ADARB2: variants seen among roughly 807,000 people sequenced by gnomAD.
ADARB2 encodes adenosine deaminase RNA specific B2 (inactive).
ADARB2 carries 25 observed loss-of-function variants against 62.2 expected under a neutral mutation model. That is an observed-to-expected ratio of 0.40 (90% confidence interval 0.29 to 0.56). ADARB2 has a LOEUF of 0.56. ADARB2 is among the 20% of genes least tolerant of loss of function. The pLI is 0.43. For missense variants in ADARB2, 1,071 were observed against 1,077.4 expected, an observed-to-expected ratio of 0.99 and a Z score of 0.08; for synonymous variants, 572 against 500.8, an observed-to-expected ratio of 1.14 and a Z score of -1.90.
intron 4 of ADARB2, among the ~76,000 whole-genome samples, chr10:1,256,349 GA>G (rs2131786600): frequency 6.6e-6 from 1 of 152,318 alleles, no homozygotes; most frequent in Non-Finnish European, 1.5e-5. Flanking sequence ...CTCCTGCCCT[GA>G]TGGGGTCTGG....
At chr10:1,580,762 C>CCTTCTGTTCCTT (rs1564337525) in intron 1 of ADARB2, among the ~76,000 whole-genome samples, 2 of 151,954 alleles carry the variant, frequency 1.3e-5, no homozygotes, top group African/African-American at 4.8e-5. Context: ...TTCTGTTCCT[C>CCTTCTGTTCCTT]CCTCCTTCCC....
chr10:1,637,799 C>G lies in ADARB2; in HGVS notation c.100+99252G>C, dbSNP rs201947978. 9.8e-5 allele frequency among the ~76,000 whole-genome samples: 15 copies of G among 152,324 alleles called. No homozygotes were observed. The East Asian group carries it at 2.5e-3, about 25-fold the overall frequency. The stretch of plus-strand genomic sequence containing the variant: ...TGTCTGCGTGGCTCCTGTTTATGAG[C>G]AAAGCAAACCTCCTACTGCTCCGGG... On this transcript the variant is annotated intron_variant, in intron 1 of 9. Coordinates refer to ENST00000381312, the MANE Select transcript of ADARB2 (RefSeq NM_018702.4).
chr10:1,305,048 A>C (rs1831612818), intron 3 of ADARB2, among the ~76,000 whole-genome samples: 1 of 102,206 alleles, frequency 9.8e-6, no homozygotes, highest in African/African-American at 2.9e-5. Flanking sequence ...AAATAACTAA[A>C]ATCAGAGCAG....
At chr10:1,451,174 A>G (rs1008937014) in intron 1 of ADARB2, among the ~76,000 whole-genome samples, 2 of 152,246 alleles carry the variant, frequency 1.3e-5, no homozygotes. Context: ...AGTTCATCAA[A>G]AAACACTTTT....
At chr10:1,481,469 A>G (rs1018143869) in intron 1 of ADARB2, among the ~76,000 whole-genome samples, 1 of 152,242 alleles carries the variant, frequency 6.6e-6, no homozygotes, top group African/African-American at 2.4e-5. Flanking sequence ...CACATTTAAA[A>G]GCTTTTATTC....
intron 1 of ADARB2, among the ~76,000 whole-genome samples, chr10:1,496,362 GCAC>G (rs776061040): frequency 1.4e-5 from 2 of 146,262 alleles, no homozygotes; most frequent in Non-Finnish European, 3.0e-5. Flanking sequence ...ATTGTCATCA[GCAC>G]CACCATCATC....
At chr10:1,620,552 G>T (rs139177413) in intron 1 of ADARB2, among the ~76,000 whole-genome samples, 98 of 152,298 alleles carry the variant, frequency 6.4e-4, no homozygotes, top group African/African-American at 2.3e-3. Context: ...GTTAAATAAA[G>T]AAAAAATACT....
At position 1,537,287 on chromosome 10, in the gene ADARB2, G is replaced by A. The variant is rs530341488; in HGVS notation, c.101-158127C>T. Among the ~76,000 whole-genome samples, 6 of 152,294 alleles carry A rather than the reference G, an allele frequency of 3.9e-5. No homozygotes were observed. In the South Asian group the frequency reaches 1.2e-3, roughly 32 times the overall value. On this transcript the variant is annotated intron_variant, in intron 1 of 9. Coordinates refer to ENST00000381312, the MANE Select transcript of ADARB2 (RefSeq NM_018702.4). ...ATGCCATCTCATGCCAGTCAGAATG[G>A]CAATGATTAAAAAGTCAAGAAACAA...
chr10:1,207,344 T>G (rs1837082241), intron 7 of ADARB2, among the ~76,000 whole-genome samples: 1 of 152,184 alleles, frequency 6.6e-6, no homozygotes, highest in East Asian at 1.9e-4. Context: ...AGACTTCATC[T>G]CAATCTGTAC....
At chr10:1,403,947 A>G (rs539961189) in intron 1 of ADARB2, among the ~76,000 whole-genome samples, 1 of 152,272 alleles carries the variant, frequency 6.6e-6, no homozygotes, top group South Asian at 2.1e-4. Context: ...TGTCCTGTGA[A>G]TATCAACCAG....
At chr10:1,591,891 C>T (rs1365938963) in intron 1 of ADARB2, among the ~76,000 whole-genome samples, 2 of 152,212 alleles carry the variant, frequency 1.3e-5, no homozygotes, top group African/African-American at 4.8e-5. Flanking sequence ...GAAAGAAAAT[C>T]TTCTTGCCAG....
intron 3 of ADARB2, among the ~76,000 whole-genome samples, chr10:1,297,531 G>A (rs1309377807): frequency 6.6e-6 from 1 of 152,158 alleles, no homozygotes; most frequent in Admixed American, 6.5e-5. Flanking sequence ...TTCAGACCCC[G>A]AAGAGCCCTC....
intron 3 of ADARB2, chr10:1,290,681 G>A (rs1486938268): frequency 6.6e-6 from 1 of 152,244 alleles, no homozygotes; most frequent in African/African-American, 2.4e-5. Flanking sequence ...ACGGTTGTGT[G>A]TGCTGACATC....
At chr10:1,396,273 G>A (rs777290363) in intron 1 of ADARB2, among the ~76,000 whole-genome samples, 2 of 152,056 alleles carry the variant, frequency 1.3e-5, no homozygotes, top group Non-Finnish European at 2.9e-5. Context: ...GAGTGCTGCC[G>A]GACTGAACTT....
intron 1 of ADARB2, among the ~76,000 whole-genome samples, chr10:1,474,810 C>T (rs991339986): frequency 1.3e-5 from 2 of 152,136 alleles, no homozygotes; most frequent in African/African-American, 4.8e-5. Flanking sequence ...GATGGAAACG[C>T]CTGTGTAAGA....
chr10:1,616,965 G>A (rs1349296350), intron 1 of ADARB2, among the ~76,000 whole-genome samples: 2 of 149,722 alleles, frequency 1.3e-5, no homozygotes, highest in East Asian at 2.0e-4. Context: ...TGCATCCTGG[G>A]AACTGACCTC....
intron 3 of ADARB2, among the ~76,000 whole-genome samples, chr10:1,342,341 C>A (rs1262413170): frequency 6.6e-6 from 1 of 152,194 alleles, no homozygotes; most frequent in Non-Finnish European, 1.5e-5. Context: ...GGACTGACAC[C>A]AACAGGGCCT....
At chr10:1,730,367 G>C (rs775537348) in intron 1 of ADARB2, among the ~76,000 whole-genome samples, 1 of 152,142 alleles carries the variant, frequency 6.6e-6, no homozygotes, top group East Asian at 1.9e-4. Context: ...TTTCTGATCC[G>C]TGGGAGATTT....
chr10:1,608,003 C>T (rs2132018783), intron 1 of ADARB2, among the ~76,000 whole-genome samples: 1 of 152,350 alleles, frequency 6.6e-6, no homozygotes, highest in Admixed American at 6.5e-5. Context: ...ATAGCCCTGT[C>T]CCATGGGGGG....
Sources: allele counts gnomAD v4.1 joint callset (sites outside exome capture counted in the v4.1 genomes callset), GRCh38; gene constraint gnomAD v4.1.1; transcripts MANE v1.5; gene names NCBI Gene and HGNC (gene_info 2026-07-23, HGNC 2026-07-21).